Variants in CAST observed in about 807,000 individuals in gnomAD.
CAST encodes MIR583 host.
Under a neutral mutation model 119.6 loss-of-function variants are expected in CAST, and 76 were observed. The observed-to-expected ratio is 0.64, with a 90% CI of 0.53 to 0.77. The LOEUF is 0.77. CAST is among the 30% of genes least tolerant of loss of function. The pLI is 0.00. For missense variants in CAST, 953 were observed against 946.5 expected (o/e 1.01, Z -0.09); for synonymous variants, 319 against 331.6 (o/e 0.96, Z 0.41).
At chr5:96,293,909 A>G in the CAST span, among the ~76,000 whole-genome samples, 1 of 151,808 alleles carries the variant, frequency 6.6e-6, no homozygotes, top group Admixed American at 6.6e-5. Context: ...ACAGGCACCC[A>G]ACACCACGCC....
intron 3 of CAST, among the ~76,000 whole-genome samples, chr5:96,711,701 G>C (rs1165648153): frequency 1.3e-5 from 2 of 152,196 alleles, no homozygotes; most frequent in Admixed American, 1.3e-4. Context: ...AAAATCCTCT[G>C]TTCAGTAGTT....
At chr5:96,430,043 G>A in the CAST span, among the ~76,000 whole-genome samples, 1,210 of 152,230 alleles carry the variant, frequency 7.9e-3, 15 homozygotes, top group African/African-American at 0.027. Context: ...ATAAATTATC[G>A]TTGTTATAAA....
rs529198697 is a variant in CAST, at chr5:96,620,854, T to G, written c.61-54685T>G. On this transcript the variant is annotated intron_variant, in intron 1 of 11. Transcript: ENST00000505143. ...TTCAAAGAAAAAGCGGAAACGGTATTTATAAAGCACATTGCCATTTAGTAA... is the reference window on the plus strand; with the variant it reads ...TTCAAAGAAAAAGCGGAAACGGTATGTATAAAGCACATTGCCATTTAGTAA... Among the ~76,000 whole-genome samples, 5 of 152,322 alleles carry G rather than the reference T, an allele frequency of 3.3e-5. No individual in the cohort carries two copies. In the South Asian group the frequency reaches 1.0e-3, roughly 32 times the overall value.
At chr5:96,136,062 G>A in the CAST span, among the ~76,000 whole-genome samples, 2,389 of 152,236 alleles carry the variant, frequency 0.016, 49 homozygotes, top group African/African-American at 0.054. Context: ...AGAATGGAGA[G>A]TTATGCTCAA....
chr5:96,639,406 G>A (rs1040804182), intron 1 of CAST, among the ~76,000 whole-genome samples: 6 of 152,206 alleles, frequency 3.9e-5, no homozygotes, highest in African/African-American at 1.2e-4. Context: ...GCCTGAGTGA[G>A]CTGAAACCCT....
intron 16 of CAST, among the ~76,000 whole-genome samples, chr5:96,744,133 T>C (rs1387273589): frequency 1.3e-5 from 2 of 152,252 alleles, no homozygotes; most frequent in Non-Finnish European, 2.9e-5. Flanking sequence ...CATATGAATG[T>C]ATTAAGTTCC....
chr5:96,593,278 G>C (rs549180323), intron 1 of CAST, among the ~76,000 whole-genome samples: 1 of 152,154 alleles, frequency 6.6e-6, no homozygotes, highest in Admixed American at 6.5e-5. Context: ...CAGCTCCAGC[G>C]TCACCTCCTG....
the CAST span, among the ~76,000 whole-genome samples, chr5:96,154,577 T>C: frequency 1.3e-5 from 2 of 152,212 alleles, no homozygotes; most frequent in Non-Finnish European, 2.9e-5. Context: ...TTTTACGTAA[T>C]GTCCTTTTCT....
chr5:96,558,317 C>A (rs1180484234), intron 1 of CAST, among the ~76,000 whole-genome samples: 1 of 151,880 alleles, frequency 6.6e-6, no homozygotes, highest in Non-Finnish European at 1.5e-5. Context: ...AGAGCAAACA[C>A]ATTCAAAAGC....
chr5:96,101,960 G>A, the CAST span, among the ~76,000 whole-genome samples: 1 of 152,208 alleles, frequency 6.6e-6, no homozygotes, highest in Non-Finnish European at 1.5e-5. Flanking sequence ...AGCAGGCTTT[G>A]TGTGAGCCCT....
chr5:96,329,638 G>C, the CAST span, among the ~76,000 whole-genome samples: 1 of 152,320 alleles, frequency 6.6e-6, no homozygotes, highest in South Asian at 2.1e-4. Context: ...GAGAAGTCAG[G>C]CTACTCTTTA....
chr5:96,689,684 T>A (rs1221720333), intron 2 of CAST, among the ~76,000 whole-genome samples: 1 of 152,192 alleles, frequency 6.6e-6, no homozygotes, highest in Non-Finnish European at 1.5e-5. Context: ...CACACAGTTA[T>A]TTAATAATAG....
intron 1 of CAST, among the ~76,000 whole-genome samples, chr5:96,628,903 G>A (rs1439742551): frequency 6.6e-6 from 1 of 152,176 alleles, no homozygotes; most frequent in Non-Finnish European, 1.5e-5. Context: ...TGCAGGATGT[G>A]TGGCAATTCT....
At chr5:96,007,051 T>C in the CAST span, among the ~76,000 whole-genome samples, 4 of 152,234 alleles carry the variant, frequency 2.6e-5, no homozygotes, top group African/African-American at 9.6e-5. Context: ...CCAGCTTCCC[T>C]CAATCACATA....
intron 1 of CAST, among the ~76,000 whole-genome samples, chr5:96,583,883 G>C (rs1746807160): frequency 6.6e-6 from 1 of 152,184 alleles, no homozygotes; most frequent in South Asian, 2.1e-4. Flanking sequence ...AACAGCAAGT[G>C]GTAGTGGTAG....
At chr5:96,730,722 T>C in intron 8 of CAST, 58 bp from the exon 9 acceptor site, 2 of 1,244,850 alleles carry the variant, frequency 1.6e-6, no homozygotes, top group South Asian at 2.4e-5. Flanking sequence ...CTCATGATCT[T>C]GATAATAGCC....
chr5:96,102,096 G>A, the CAST span, among the ~76,000 whole-genome samples: 1 of 152,192 alleles, frequency 6.6e-6, no homozygotes, highest in Non-Finnish European at 1.5e-5. Flanking sequence ...CCCTTGTTGT[G>A]TGGGGTGGCT....
At chr5:96,048,501 A>G in the CAST span, among the ~76,000 whole-genome samples, 1 of 152,320 alleles carries the variant, frequency 6.6e-6, no homozygotes, top group Non-Finnish European at 1.5e-5. Context: ...AGATTTACAT[A>G]AAATAATGGC....
intron 2 of CAST, 122 bp from the exon 3 acceptor site, chr5:96,695,714 T>C: frequency 7.1e-6 from 4 of 565,176 alleles, no homozygotes; most frequent in Non-Finnish European, 1.3e-5. Context: ...TTACTTTGGG[T>C]GTGTTTCAAA....
Sources: allele counts gnomAD v4.1 joint callset (sites outside exome capture counted in the v4.1 genomes callset), GRCh38; gene constraint gnomAD v4.1.1; transcripts MANE v1.5; gene names NCBI Gene and HGNC (gene_info 2026-07-23, HGNC 2026-07-21).